The following FBXO15 variants were observed in gnomAD, a reference collection of about 807,000 sequenced individuals.
The protein encoded by FBXO15 is F-box protein 15.
FBXO15 carries 30 observed loss-of-function variants against 49.5 expected under a neutral mutation model. That is an observed-to-expected ratio of 0.61 (90% CI 0.45 to 0.82). FBXO15 has a LOEUF of 0.82. Among genes scored for constraint, FBXO15 ranks in the 40% least tolerant of loss-of-function variants. The probability of loss-of-function intolerance (pLI) is 0.00; values close to 1 mark genes in which losing one functional copy is unlikely to be tolerated. For missense variants in FBXO15, 591 were observed against 631.5 expected, an observed-to-expected ratio of 0.94 and a Z score of 0.69; for synonymous variants, 250 against 232.7, an observed-to-expected ratio of 1.07 and a Z score of -0.68.
chr18:74,094,022 A>G (rs568215803), intron 8 of FBXO15, among the ~76,000 whole-genome samples: 5 of 152,346 alleles, frequency 3.3e-5, no homozygotes, highest in African/African-American at 1.2e-4. Flanking sequence ...ATTACCCTTT[A>G]TGGATTACAG....
chr18:74,079,383 G>T (rs1476876994), intron 9 of FBXO15, among the ~76,000 whole-genome samples: 1 of 152,176 alleles, frequency 6.6e-6, no homozygotes, highest in Non-Finnish European at 1.5e-5. Flanking sequence ...CAAGCGTCCT[G>T]CATGGATTCA....
At position 74,074,367 on chromosome 18, in the gene FBXO15, A is replaced by T. The variant is rs867887574; in HGVS notation, c.1264-637T>A. Reference sequence around the variant, plus strand: ...CTCACTGTCATCCCAAGTGATCCCAACATCCGTGGGGACCCTGGTGGAGCC... The same window carrying T: ...CTCACTGTCATCCCAAGTGATCCCATCATCCGTGGGGACCCTGGTGGAGCC... On this transcript the variant is annotated intron_variant, in intron 9 of 9. Coordinates refer to ENST00000419743, the MANE Select transcript of FBXO15 (RefSeq NM_001142958.2). The surrounding 1 kb of genome is among the most constrained non-coding windows in gnomAD (Gnocchi z 4.7). 6.6e-6 allele frequency among the ~76,000 whole-genome samples: 1 copy of T among 152,120 alleles called. No homozygotes were observed. Among genetic ancestry groups the T allele is most frequent in the East Asian group, 1.9e-4 (1 of 5,184 alleles).
chr18:74,126,001 G>A lies in FBXO15; in HGVS notation c.886C>T (p.Pro296Ser). Residue 296 changes from proline (P) to serine (S), a missense_variant, in exon 6 of 10, where the codon CCT becomes TCT. Physicochemically the swap from Pro to Ser is moderately conservative, Grantham distance 74. Transcript: ENST00000419743. ...TTCCACACTCCCACCAGGAGGCCAGGGTGCAGGCAGAAGATCCGAATGAGT... is the reference window on the plus strand; with the variant it reads ...TTCCACACTCCCACCAGGAGGCCAGAGTGCAGGCAGAAGATCCGAATGAGT... Reference protein sequence around the residue: ...DRLIRIFCLHPGLLVGVWKKE... With the variant: ...DRLIRIFCLHSGLLVGVWKKE... 1 of 1,614,024 alleles carries A rather than the reference G, an allele frequency of 6.2e-7. No homozygotes were observed. Among genetic ancestry groups the A allele is most frequent in the Non-Finnish European group, 8.5e-7 (1 of 1,179,962 alleles).
At chr18:74,128,506 G>A (rs1210628458) in intron 5 of FBXO15, among the ~76,000 whole-genome samples, 1 of 152,182 alleles carries the variant, frequency 6.6e-6, no homozygotes, top group Non-Finnish European at 1.5e-5. Context: ...AAACGACATG[G>A]TAAATACTCC....
chr18:74,081,542 C>A (rs986649422), intron 9 of FBXO15, among the ~76,000 whole-genome samples: 1 of 152,218 alleles, frequency 6.6e-6, no homozygotes, highest in African/African-American at 2.4e-5. Flanking sequence ...TAAATTGGTA[C>A]ATGGATGATC....
At chr18:74,077,820 T>C (rs1423716832) in intron 9 of FBXO15, among the ~76,000 whole-genome samples, 2 of 152,160 alleles carry the variant, frequency 1.3e-5, no homozygotes, top group African/African-American at 4.8e-5. Flanking sequence ...TAAGCACCTC[T>C]GAGATAACAC....
chr18:74,086,365 T>C (rs1480967999), intron 8 of FBXO15, among the ~76,000 whole-genome samples: 10 of 152,334 alleles, frequency 6.6e-5, no homozygotes, highest in South Asian at 2.1e-4. Context: ...CTGAGGCCCA[T>C]AACTTGTTTT....
At chr18:74,093,630 T>G (rs542424852) in intron 8 of FBXO15, among the ~76,000 whole-genome samples, 5 of 152,346 alleles carry the variant, frequency 3.3e-5, no homozygotes, top group Non-Finnish European at 5.9e-5. Flanking sequence ...TATCATGAGA[T>G]TAAAGCAATT....
chr18:74,100,242 C>T (rs567745514), intron 8 of FBXO15, among the ~76,000 whole-genome samples: 10 of 152,150 alleles, frequency 6.6e-5, no homozygotes, highest in South Asian at 4.1e-4. Context: ...GGAATAAAAA[C>T]GGAAATCAAC....
chr18:74,110,050 A>T (rs1294456198), intron 8 of FBXO15, among the ~76,000 whole-genome samples: 1 of 151,900 alleles, frequency 6.6e-6, no homozygotes, highest in Non-Finnish European at 1.5e-5. Context: ...GCACTGAAGG[A>T]ATAAGTGAAA....
chr18:74,135,933 A>T (rs955081848), intron 2 of FBXO15, 67 bp from the exon 3 acceptor site: 77 of 1,297,720 alleles, frequency 5.9e-5, no homozygotes, highest in South Asian at 4.9e-4. Context: ...CAGATTACCC[A>T]GAAAACAACT....
chr18:74,140,572 AC>A (rs1373967498), intron 1 of FBXO15, among the ~76,000 whole-genome samples: 1 of 151,760 alleles, frequency 6.6e-6, no homozygotes, highest in Non-Finnish European at 1.5e-5. Context: ...AGACAGTGAG[AC>A]CTTGATGGTA....
At chr18:74,140,663 G>C (rs1239142601) in intron 1 of FBXO15, 1 of 226,536 alleles carries the variant, frequency 4.4e-6, no homozygotes, top group Non-Finnish European at 8.6e-6. Flanking sequence ...GCAGGGAGAA[G>C]GGAGGAAGAG....
intron 3 of FBXO15, among the ~76,000 whole-genome samples, chr18:74,133,312 A>G (rs1978512061): frequency 6.6e-6 from 1 of 152,240 alleles, no homozygotes; most frequent in Non-Finnish European, 1.5e-5. Context: ...TAATACTAAA[A>G]GTATGCAAAA....
At chr18:74,143,667 T>A (rs1979226199) in intron 1 of FBXO15, among the ~76,000 whole-genome samples, 1 of 152,244 alleles carries the variant, frequency 6.6e-6, no homozygotes, top group African/African-American at 2.4e-5. Flanking sequence ...TAACAATGTC[T>A]AGTCAATTAA....
chr18:74,118,413 C>T (rs897284038), intron 8 of FBXO15, among the ~76,000 whole-genome samples: 2 of 139,836 alleles, frequency 1.4e-5, no homozygotes, highest in African/African-American at 5.3e-5. Context: ...CATATATACA[C>T]ATATATATAT....
At chr18:74,090,509 G>A (rs746985047) in intron 8 of FBXO15, among the ~76,000 whole-genome samples, 1 of 152,078 alleles carries the variant, frequency 6.6e-6, no homozygotes, top group Non-Finnish European at 1.5e-5. Context: ...TTGTTAATCT[G>A]AGATCTTTCT....
Position 74,129,412 on chromosome 18 carries a change from TG to T in FBXO15, c.777del (p.Lys260AsnfsTer9). ...CTGCTGATTGGTACTTACCTATGTTTGGTGGGAGTTTTATACCAGTCGGTAA... is the reference window on the plus strand; with the variant it reads ...CTGCTGATTGGTACTTACCTATGTTTGTGGGAGTTTTATACCAGTCGGTAA... ...PVFTDWYKTP[T>X]KHRLRWHSLI... On this transcript the variant is annotated frameshift_variant, in exon 5 of 10. Transcript: ENST00000419743. LOFTEE classifies it high-confidence loss of function. 1 of 1,613,918 alleles carries T rather than the reference TG, an allele frequency of 6.2e-7. No individual in the cohort carries two copies. The highest frequency in any genetic ancestry group is 1.1e-5 in the South Asian group (1 of 91,058).
rs921969793 is a variant in FBXO15, at chr18:74,147,811, C to T, written c.-26G>A. ...AGAGACAAGGAGTTCACCACAGGAC[C>T]GCGCCAGGGCTGAAACGAAGAGTGC... On this transcript the variant is annotated 5_prime_UTR_variant, in exon 1 of 10. Transcript: ENST00000419743. 3.7e-5 allele frequency: 55 copies of T among 1,493,798 alleles called. No individual in the cohort carries two copies. Among genetic ancestry groups the T allele is most frequent in the Admixed American group, 6.7e-5 (3 of 44,588 alleles). The allele number at this position is 1,493,798 out of a possible 1,614,324, so 92.5% of individuals were successfully genotyped here. A position where few individuals can be genotyped will look rare whatever the true frequency, so the allele number is the denominator to read the frequency against.
Sources: gnomAD v4.1 joint callset for allele counts (sites outside exome capture counted in the v4.1 genomes callset) on GRCh38, gnomAD v4.1.1 for gene constraint, Gnocchi (gnomAD v3.1) non-coding constraint, MANE v1.5 for transcripts, NCBI Gene and HGNC (gene_info 2026-07-23, HGNC 2026-07-21) for gene names.